PRKG1: variants seen among roughly 807,000 people sequenced by gnomAD.
PRKG1 encodes the protein cGMP-dependent protein kinase 1.
In PRKG1, 35 loss-of-function variants were observed where a neutral mutation model predicts 88.1. The ratio of observed to expected loss-of-function variants is 0.40; its 90% confidence interval spans 0.30 to 0.53. PRKG1 has a LOEUF of 0.53. PRKG1 is among the 20% of genes least tolerant of loss of function. The pLI is 0.59. For synonymous variants in PRKG1, 303 were observed against 292.5 expected (o/e 1.04, Z -0.37); for missense variants, 540 against 839.8 (o/e 0.64, Z 4.41).
At chr10:51,818,567 T>A (rs1023783227) in intron 4 of PRKG1, among the ~76,000 whole-genome samples, 5 of 152,190 alleles carry the variant, frequency 3.3e-5, no homozygotes, top group Non-Finnish European at 7.4e-5. Context: ...TTCACAACAA[T>A]CTGATTATAC....
intron 7 of PRKG1, among the ~76,000 whole-genome samples, chr10:52,102,199 G>A (rs537335573): frequency 1.3e-5 from 2 of 151,932 alleles, no homozygotes; most frequent in African/African-American, 2.4e-5. Context: ...GTTTTTTGTT[G>A]TTTACATTGG....
chr10:51,732,765 T>A (rs559177214), intron 3 of PRKG1, among the ~76,000 whole-genome samples: 8 of 152,118 alleles, frequency 5.3e-5, no homozygotes, highest in Non-Finnish European at 1.2e-4. Context: ...ACGAAAATAA[T>A]AGATTTTGAA....
intron 2 of PRKG1, among the ~76,000 whole-genome samples, chr10:51,187,570 G>A (rs750923777): frequency 6.6e-6 from 1 of 151,948 alleles, no homozygotes; most frequent in Non-Finnish European, 1.5e-5. Flanking sequence ...TGGCTGTTAA[G>A]TGAATAGCTT....
intron 9 of PRKG1, among the ~76,000 whole-genome samples, chr10:52,196,664 C>T (rs1839514873): frequency 1.3e-5 from 2 of 152,066 alleles, no homozygotes; most frequent in Admixed American, 6.5e-5. Context: ...GGTGAACTTG[C>T]TAATGCAGCA....
chr10:51,488,038 A>C (rs1182410003), intron 3 of PRKG1, among the ~76,000 whole-genome samples: 1 of 152,180 alleles, frequency 6.6e-6, no homozygotes, highest in South Asian at 2.1e-4. Context: ...TTCTAGGATT[A>C]AAATGAGACT....
chr10:52,092,286 C>T (rs938190944), intron 7 of PRKG1, among the ~76,000 whole-genome samples: 10 of 152,006 alleles, frequency 6.6e-5, no homozygotes, highest in East Asian at 3.9e-4. Flanking sequence ...AACAGCCTAC[C>T]GACATACACT....
chr10:51,704,438 G>A (rs748151681), intron 3 of PRKG1, among the ~76,000 whole-genome samples: 2 of 152,114 alleles, frequency 1.3e-5, no homozygotes, highest in Admixed American at 6.5e-5. Flanking sequence ...TGAATAACGT[G>A]CCTCAAATCA....
rs191944151 is a variant in PRKG1 at position 51,092,604 on chromosome 10, G to A, written c.311+17703G>A. ...TCCTGCCTGGTGCAAAGGCTTCTGG[G>A]TTATGAGCCAACTGGGGATGCTGCC... On this transcript the variant is annotated intron_variant, in intron 1 of 17. Coordinates refer to ENST00000373980, the MANE Select transcript of PRKG1 (RefSeq NM_006258.4). 1.1e-3 allele frequency among the ~76,000 whole-genome samples: 168 copies of A among 152,306 alleles called. 2 individuals are homozygous for A. Among genetic ancestry groups the A allele is most frequent in the Admixed American group, 2.9e-3 (45 of 15,292 alleles).
intron 5 of PRKG1, among the ~76,000 whole-genome samples, chr10:51,927,169 C>T (rs1842596470): frequency 6.6e-6 from 1 of 152,108 alleles, no homozygotes; most frequent in Non-Finnish European, 1.5e-5. Context: ...CCCATAATTC[C>T]CACATACTGT....
chr10:51,372,416 T>C (rs1051876089), intron 2 of PRKG1, among the ~76,000 whole-genome samples: 2 of 152,182 alleles, frequency 1.3e-5, no homozygotes, highest in African/African-American at 2.4e-5. Context: ...ATAGCTTCTA[T>C]ATAGATTCTT....
At chr10:52,240,935 C>T (rs1274144003) in intron 9 of PRKG1, among the ~76,000 whole-genome samples, 1 of 152,030 alleles carries the variant, frequency 6.6e-6, no homozygotes, top group African/African-American at 2.4e-5. Context: ...GTGATTATTA[C>T]CATTGGTAAT....
chr10:52,154,875 TATAA>T (rs998810420), intron 8 of PRKG1, among the ~76,000 whole-genome samples: 1 of 152,156 alleles, frequency 6.6e-6, no homozygotes, highest in Non-Finnish European at 1.5e-5. Context: ...AGCTCCCAAC[TATAA>T]GTGAGACATG....
intron 8 of PRKG1, among the ~76,000 whole-genome samples, chr10:52,148,705 C>T (rs71490905): frequency 0.17 from 26,453 of 152,020 alleles, 2,700 homozygotes; most frequent in South Asian, 0.3. Flanking sequence ...TGCATGACTG[C>T]AACCAGGGAA....
chr10:51,124,132 ATATGATC>A (rs1233106834), intron 1 of PRKG1, among the ~76,000 whole-genome samples: 2 of 152,158 alleles, frequency 1.3e-5, no homozygotes, highest in African/African-American at 4.8e-5. Flanking sequence ...CTCAGAGAAG[ATATGATC>A]TGGGGGTCAA....
intron 2 of PRKG1, among the ~76,000 whole-genome samples, chr10:51,253,917 T>C (rs1839489156): frequency 6.6e-6 from 1 of 152,032 alleles, no homozygotes; most frequent in South Asian, 2.1e-4. Flanking sequence ...ATATTGTTTT[T>C]CTGTTGTAAA....
At chr10:52,178,051 G>C (rs1042839519) in intron 9 of PRKG1, among the ~76,000 whole-genome samples, 3 of 149,432 alleles carry the variant, frequency 2.0e-5, no homozygotes, top group African/African-American at 7.4e-5. Flanking sequence ...GGTTTGGTTT[G>C]TTCTTGCCTT....
chr10:52,153,886 C>T (rs967869224), intron 8 of PRKG1, among the ~76,000 whole-genome samples: 1 of 152,048 alleles, frequency 6.6e-6, no homozygotes, highest in African/African-American at 2.4e-5. Context: ...GCTGGGATTA[C>T]AGGCATGGAC....
At chr10:51,178,719 G>T (rs1169205798) in intron 2 of PRKG1, among the ~76,000 whole-genome samples, 8 of 151,936 alleles carry the variant, frequency 5.3e-5, no homozygotes, top group African/African-American at 1.9e-4. Flanking sequence ...GGTGGAAGTT[G>T]GCCTGAGACA....
chr10:51,809,985 T>A (rs1157740031), intron 4 of PRKG1, among the ~76,000 whole-genome samples: 3 of 152,118 alleles, frequency 2.0e-5, no homozygotes, highest in African/African-American at 7.2e-5. Context: ...TTAATAAAGA[T>A]TATCTCAAGA....
Sources: allele counts gnomAD v4.1 joint callset (sites outside exome capture counted in the v4.1 genomes callset), GRCh38; gene constraint gnomAD v4.1.1; transcripts MANE v1.5; gene names NCBI Gene and HGNC (gene_info 2026-07-23, HGNC 2026-07-21).